The following STK39 variants were observed in gnomAD, a reference collection of about 807,000 sequenced individuals.
The protein encoded by STK39 is STE20/SPS1-related proline-alanine-rich protein kinase.
In STK39, 20 loss-of-function variants were observed where a neutral mutation model predicts 77.8. That is an observed-to-expected ratio of 0.26 (90% CI 0.18 to 0.37). STK39 has a LOEUF of 0.37. Ranked by LOEUF, STK39 falls within the 10% of genes least tolerant of loss-of-function variation. The pLI is 1.00. For missense variants in STK39, 479 were observed against 656.5 expected (o/e 0.73, Z 2.95); for synonymous variants, 246 against 234.1 (o/e 1.05, Z -0.47).
chr2:167,964,308 A>G, intron 17 of STK39: 1 of 187,822 alleles, frequency 5.3e-6, no homozygotes, highest in African/African-American at 2.4e-5. Flanking sequence ...CTTTTGTCTT[A>G]GGAAAGCTTT....
At chr2:168,066,675 A>G (rs34982070) in intron 12 of STK39, among the ~76,000 whole-genome samples, 115,402 of 152,166 alleles carry the variant, frequency 0.76, 44,005 homozygotes, top group Admixed American at 0.82. Context: ...TTCCCCTGGG[A>G]AGACCCATCT....
At chr2:168,211,451 C>A (rs1268141561) in intron 1 of STK39, among the ~76,000 whole-genome samples, 1 of 152,172 alleles carries the variant, frequency 6.6e-6, no homozygotes, top group Non-Finnish European at 1.5e-5. Flanking sequence ...CTAGAGTTTA[C>A]CAGAGTTCAC....
intron 2 of STK39, among the ~76,000 whole-genome samples, chr2:168,179,943 G>C (rs563272537): frequency 3.3e-5 from 5 of 152,280 alleles, no homozygotes; most frequent in African/African-American, 4.8e-5. Context: ...CAGAAGGCAG[G>C]CTCCAGAACT....
chr2:168,139,423 T>TATATAA (rs1488388592), intron 7 of STK39, among the ~76,000 whole-genome samples: 1 of 150,342 alleles, frequency 6.7e-6, no homozygotes, highest in African/African-American at 2.4e-5. Flanking sequence ...TATATATATA[T>TATATAA]AAAAACAATA....
At chr2:168,076,240 A>G (rs1686074822) in intron 10 of STK39, among the ~76,000 whole-genome samples, 1 of 152,294 alleles carries the variant, frequency 6.6e-6, no homozygotes, top group Middle Eastern at 3.4e-3. Context: ...ACGTGACCCA[A>G]GATCACACAG....
chr2:168,067,299 C>A (rs1445233231), intron 12 of STK39, among the ~76,000 whole-genome samples: 2 of 152,182 alleles, frequency 1.3e-5, no homozygotes, highest in African/African-American at 4.8e-5. Flanking sequence ...GGGGATGGAT[C>A]CCTCATGAAT....
intron 14 of STK39, among the ~76,000 whole-genome samples, chr2:168,056,548 C>G (rs997004214): frequency 5.1e-4 from 77 of 152,302 alleles, no homozygotes; most frequent in African/African-American, 1.3e-3. Context: ...ACATAAATGT[C>G]ACACCCAGAT....
chr2:168,014,622 T>G (rs1684360889), intron 15 of STK39, among the ~76,000 whole-genome samples: 1 of 152,196 alleles, frequency 6.6e-6, no homozygotes, highest in African/African-American at 2.4e-5. Context: ...TTCAGTCTCA[T>G]AACTGGCATC....
At chr2:168,074,546 AAG>A (rs1428080149) in intron 12 of STK39, among the ~76,000 whole-genome samples, 1 of 152,230 alleles carries the variant, frequency 6.6e-6, no homozygotes, top group African/African-American at 2.4e-5. Context: ...AGACTCAACC[AAG>A]AGTTTCTAAC....
At chr2:168,002,359 A>G (rs900479359) in intron 16 of STK39, among the ~76,000 whole-genome samples, 1 of 152,226 alleles carries the variant, frequency 6.6e-6, no homozygotes, top group Non-Finnish European at 1.5e-5. Flanking sequence ...TGGAAATAAC[A>G]TTTGCCCACA....
At chr2:168,192,605 T>G (rs544664257) in intron 1 of STK39, among the ~76,000 whole-genome samples, 1 of 152,324 alleles carries the variant, frequency 6.6e-6, no homozygotes, top group Non-Finnish European at 1.5e-5. Flanking sequence ...TATGTGACCT[T>G]GGGCAAGCTG....
At chr2:168,058,071 T>A (rs935705239) in intron 14 of STK39, among the ~76,000 whole-genome samples, 1 of 152,198 alleles carries the variant, frequency 6.6e-6, no homozygotes, top group African/African-American at 2.4e-5. Flanking sequence ...ACTCCACAGT[T>A]TTGATCCCTT....
Position 168,065,331 on chromosome 2 carries a change from C to T in STK39, c.1293G>A (p.Val431=), listed in dbSNP as rs1211834485. 4 of 1,614,034 alleles carry T rather than the reference C, an allele frequency of 2.5e-6. No homozygotes were observed. In the East Asian group the frequency reaches 8.9e-5, roughly 36 times the overall value. Residue 431 remains valine, a synonymous_variant, in exon 13 of 18, where the codon GTG becomes GTA. Coordinates refer to ENST00000355999, the MANE Select transcript of STK39 (RefSeq NM_013233.3). ...CAGAGAAACATACCTGAGAGTCGTG[C>T]ACAGAGAGGGACTGTATTTGTTCGG... is the stretch of plus-strand genomic sequence containing the variant. ...TIPEQIQSLS[V]HDSQGPPNAN...
intron 16 of STK39, among the ~76,000 whole-genome samples, chr2:168,008,289 A>G (rs1341313099): frequency 1.3e-5 from 2 of 152,168 alleles, no homozygotes; most frequent in Non-Finnish European, 2.9e-5. Context: ...TTGAAACGTG[A>G]TGGGATGTGA....
At chr2:168,220,719 A>G (rs530716615) in intron 1 of STK39, among the ~76,000 whole-genome samples, 15 of 152,324 alleles carry the variant, frequency 9.8e-5, no homozygotes, top group African/African-American at 3.6e-4. Context: ...ACAGTTCTCC[A>G]TTAAATGCTT....
chr2:168,132,661 A>C (rs141366974), intron 8 of STK39, among the ~76,000 whole-genome samples: 23 of 152,300 alleles, frequency 1.5e-4, no homozygotes, highest in African/African-American at 5.1e-4. Context: ...TGTCATCTTC[A>C]AAGATACCTC....
chr2:168,023,474 G>A (rs1047687943), intron 14 of STK39, among the ~76,000 whole-genome samples: 2 of 152,132 alleles, frequency 1.3e-5, no homozygotes, highest in African/African-American at 4.8e-5. Flanking sequence ...AGGTGCGATT[G>A]AAGTATATAT....
chr2:168,160,275 C>A (rs1239858774), intron 5 of STK39, among the ~76,000 whole-genome samples: 1 of 152,212 alleles, frequency 6.6e-6, no homozygotes, highest in Non-Finnish European at 1.5e-5. Flanking sequence ...TCCTTATCAT[C>A]TTAGAGCAAG....
chr2:168,068,079 A>G (rs886165722), intron 12 of STK39, among the ~76,000 whole-genome samples: 2 of 152,182 alleles, frequency 1.3e-5, no homozygotes, highest in Non-Finnish European at 2.9e-5. Flanking sequence ...ATACACTATT[A>G]CGAGAACAGT....
Sources: allele counts gnomAD v4.1 joint callset (sites outside exome capture counted in the v4.1 genomes callset), GRCh38; gene constraint gnomAD v4.1.1; transcripts MANE v1.5; gene names NCBI Gene and HGNC (gene_info 2026-07-23, HGNC 2026-07-21).